HEPH: variants seen among roughly 807,000 people sequenced by gnomAD.
The protein encoded by HEPH is hephaestin.
In HEPH, 69 loss-of-function variants were observed where a neutral mutation model predicts 80.8. The ratio of observed to expected loss-of-function variants is 0.85; its 90% CI spans 0.70 to 1.04. HEPH has a LOEUF of 1.04. Ranked by LOEUF, HEPH falls within the 50% of genes least tolerant of loss-of-function variation. The pLI is 0.00. For synonymous variants in HEPH, 431 were observed against 322.8 expected (o/e 1.34, Z -3.60); for missense variants, 1,115 against 891.3 (o/e 1.25, Z -3.20).
chrX:66,255,410 C>G (rs2091145571), intron 16 of HEPH, among the ~76,000 whole-genome samples: 1 of 106,783 alleles, frequency 9.4e-6, no homozygotes, highest in African/African-American at 3.8e-5. Context: ...AACAAACACA[C>G]AAACAAACAA....
chrX:66,266,357 T>G, intron 20 of HEPH, 83 bp from the exon 21 acceptor site: 2 of 729,886 alleles, frequency 2.7e-6, no homozygotes, highest in Non-Finnish European at 4.1e-6. Context: ...ATTGACTTGT[T>G]TTTTTCAGGT....
intron 17 of HEPH, among the ~76,000 whole-genome samples, chrX:66,257,563 C>G (rs1401803301): frequency 1.8e-5 from 2 of 112,429 alleles, no homozygotes; most frequent in African/African-American, 6.5e-5. Context: ...TAACACTTCT[C>G]TGGCAACAGA....
chrX:66,167,105 A>G (rs2086402532), intron 1 of HEPH, among the ~76,000 whole-genome samples: 1 of 112,201 alleles, frequency 8.9e-6, no homozygotes, highest in African/African-American at 3.2e-5. Flanking sequence ...CTGTGGCTAA[A>G]TAAATGAAGA....
At chrX:66,188,268 C>A in intron 4 of HEPH, 91 bp from the exon 5 acceptor site, 1 of 652,313 alleles carries the variant, frequency 1.5e-6, no homozygotes, top group Non-Finnish European at 2.3e-6. Context: ...TAAGACCCCT[C>A]TCTTTCTATT....
chrX:66,199,930 G>GGT (rs368884963), intron 11 of HEPH, among the ~76,000 whole-genome samples: 2,232 of 108,619 alleles, frequency 0.021, 74 homozygotes, highest in African/African-American at 0.069. Context: ...ACAGGACAAT[G>GGT]GTGTGTGTGT....
chrX:66,245,052 T>TA (rs2090749673), intron 15 of HEPH, among the ~76,000 whole-genome samples: 1 of 111,542 alleles, frequency 9.0e-6, no homozygotes, highest in South Asian at 3.7e-4. Context: ...CCATCAAGGC[T>TA]AGGAAGAAAC....
intron 4 of HEPH, among the ~76,000 whole-genome samples, chrX:66,174,837 G>A (rs1426021605): frequency 9.0e-6 from 1 of 111,653 alleles, no homozygotes; most frequent in Admixed American, 9.5e-5. Flanking sequence ...GTCTATTCAT[G>A]TTCTTAGCCC....
chrX:66,189,561 G>A (rs2087680151), intron 5 of HEPH, 123 bp from the exon 6 acceptor site: 2 of 734,305 alleles, frequency 2.7e-6, no homozygotes, highest in African/African-American at 2.1e-5. Flanking sequence ...TAATACATAG[G>A]TCAACACAGT....
At chrX:66,235,282 C>T (rs180681251) in intron 15 of HEPH, among the ~76,000 whole-genome samples, 64 of 111,562 alleles carry the variant, frequency 5.7e-4, no homozygotes, top group Non-Finnish European at 1.1e-3. Flanking sequence ...TTTTGTAGAT[C>T]CAGGATGGTA....
downstream of HEPH, chrX:66,268,476 A>C (rs1031725427): frequency 2.9e-4 from 33 of 112,021 alleles, no homozygotes. Flanking sequence ...TCCAAGAGTT[A>C]GTGTTTAGGC....
intron 19 of HEPH, 60 bp downstream of exon 19, chrX:66,260,322 C>G: frequency 2.1e-6 from 2 of 965,327 alleles, no homozygotes; most frequent in Admixed American, 2.4e-5. Flanking sequence ...CTATAGGAAG[C>G]AGGTAATACC....
chrX:66,262,098 C>A (rs180870635), intron 19 of HEPH, among the ~76,000 whole-genome samples: 1 of 112,324 alleles, frequency 8.9e-6, no homozygotes, highest in Non-Finnish European at 1.9e-5. Flanking sequence ...TCTATTTGCC[C>A]TTTTGTTTTT....
chrX:66,187,662 A>G (rs1439568350), intron 4 of HEPH, among the ~76,000 whole-genome samples: 1 of 110,871 alleles, frequency 9.0e-6, no homozygotes, highest in Non-Finnish European at 1.9e-5. Flanking sequence ...CGGGTCCTGC[A>G]GGAGCAGTCC....
upstream of HEPH, among the ~76,000 whole-genome samples, chrX:66,163,700 C>A (rs1042039653): frequency 4.2e-4 from 47 of 111,501 alleles, no homozygotes; most frequent in African/African-American, 1.5e-3. Context: ...CCCAGCAAAT[C>A]TCTCTTCTCT....
chrX:66,167,923 T>C (rs755509789), intron 1 of HEPH, among the ~76,000 whole-genome samples: 1 of 112,070 alleles, frequency 8.9e-6, no homozygotes, highest in East Asian at 2.8e-4. Context: ...GATGGAAAAA[T>C]GTATACTTGT....
At chrX:66,230,646 GT>G (rs2090090192) in intron 15 of HEPH, among the ~76,000 whole-genome samples, 1 of 97,569 alleles carries the variant, frequency 1.0e-5, no homozygotes, top group African/African-American at 3.8e-5. Flanking sequence ...TTGTAAATTT[GT>G]TTGAGTTCAT....
At chrX:66,248,682 T>C (rs970469042) in intron 15 of HEPH, among the ~76,000 whole-genome samples, 4 of 112,572 alleles carry the variant, frequency 3.6e-5, no homozygotes, top group African/African-American at 1.3e-4. Context: ...CAGGTTTTTC[T>C]GTAGCACTTC....
At chrX:66,244,386 G>T (rs1044561299) in intron 15 of HEPH, among the ~76,000 whole-genome samples, 1 of 111,047 alleles carries the variant, frequency 9.0e-6, no homozygotes, top group Non-Finnish European at 1.9e-5. Context: ...TGTCTTAATG[G>T]GTTATTTCAG....
At chrX:66,219,317 C>T (rs981163613) in intron 15 of HEPH, among the ~76,000 whole-genome samples, 1 of 112,172 alleles carries the variant, frequency 8.9e-6, no homozygotes, top group Admixed American at 9.4e-5. Flanking sequence ...TGCACGGGCA[C>T]ATGTGCCAGT....
Sources: allele counts gnomAD v4.1 joint callset (sites outside exome capture counted in the v4.1 genomes callset), GRCh38; gene constraint gnomAD v4.1.1; transcripts MANE v1.5; gene names NCBI Gene and HGNC (gene_info 2026-07-23, HGNC 2026-07-21).